The following LRRC4C variants were observed in gnomAD, a reference collection of about 807,000 sequenced individuals.
LRRC4C encodes the protein leucine-rich repeat-containing protein 4C.
A neutral mutation model predicts 33.6 loss-of-function variants in LRRC4C; 5 were observed. That is an observed-to-expected ratio of 0.15 (90% confidence interval 0.08 to 0.31). The LOEUF (loss-of-function observed/expected upper bound fraction) is 0.31. Among genes scored for constraint, LRRC4C ranks in the 10% least tolerant of loss-of-function variants. The pLI, the probability that LRRC4C is intolerant of heterozygous loss-of-function variation, is 1.00. For missense variants in LRRC4C, 560 were observed against 796.7 expected (o/e 0.70, Z 3.58); for synonymous variants, 329 against 302.0 (o/e 1.09, Z -0.93).
intron 1 of LRRC4C, among the ~76,000 whole-genome samples, chr11:40,987,644 T>C (rs933704317): frequency 1.1e-5 from 1 of 88,346 alleles, no homozygotes; most frequent in African/African-American, 4.5e-5. Flanking sequence ...TATATATATA[T>C]ATATATATCT....
chr11:40,585,473 TTTC>T (rs1591183902), intron 3 of LRRC4C, among the ~76,000 whole-genome samples: 2 of 133,384 alleles, frequency 1.5e-5, no homozygotes, highest in African/African-American at 6.0e-5. Context: ...GAATTTGTTA[TTTC>T]TTTTTTTTTT....
chr11:41,376,466 T>A (rs996414680), intron 1 of LRRC4C, among the ~76,000 whole-genome samples: 5 of 152,316 alleles, frequency 3.3e-5, no homozygotes, highest in African/African-American at 9.6e-5. Flanking sequence ...TAGCAACACC[T>A]GGCCCCAGGC....
chr11:40,731,575 A>G (rs1442638631), intron 2 of LRRC4C, among the ~76,000 whole-genome samples: 1 of 152,186 alleles, frequency 6.6e-6, no homozygotes, highest in East Asian at 1.9e-4. Flanking sequence ...AGAATGGCCT[A>G]GTACACTCCC....
intron 3 of LRRC4C, among the ~76,000 whole-genome samples, chr11:40,448,868 G>T (rs1951760486): frequency 6.6e-6 from 1 of 152,218 alleles, no homozygotes; most frequent in African/African-American, 2.4e-5. Context: ...CACATCAGCA[G>T]TGTAAAAGCA....
At chr11:40,260,104 C>T (rs535645579) in intron 4 of LRRC4C, among the ~76,000 whole-genome samples, 45 of 130,324 alleles carry the variant, frequency 3.5e-4, no homozygotes, top group African/African-American at 1.1e-3. Flanking sequence ...CACATGCACA[C>T]GTATGTTTAT....
intron 1 of LRRC4C, among the ~76,000 whole-genome samples, chr11:41,281,419 C>G (rs2136935746): frequency 6.6e-6 from 1 of 152,262 alleles, no homozygotes; most frequent in Non-Finnish European, 1.5e-5. Flanking sequence ...ACATAGCGCT[C>G]AGTCTTCCGT....
chr11:40,482,029 T>A (rs1169788186), intron 3 of LRRC4C, among the ~76,000 whole-genome samples: 5 of 152,306 alleles, frequency 3.3e-5, no homozygotes, highest in African/African-American at 1.2e-4. Context: ...CAATGATTAA[T>A]ACTCAGAATG....
intron 3 of LRRC4C, among the ~76,000 whole-genome samples, chr11:40,471,616 C>T (rs1424605152): frequency 2.7e-5 from 4 of 148,690 alleles, no homozygotes; most frequent in Admixed American, 6.8e-5. Flanking sequence ...ACCCATCTCA[C>T]ATGCAAAGAC....
intron 1 of LRRC4C, among the ~76,000 whole-genome samples, chr11:41,304,426 G>A (rs1471800938): frequency 1.2e-5 from 1 of 82,840 alleles, no homozygotes; most frequent in African/African-American, 4.7e-5. Context: ...CCGGCCAGCC[G>A]CCCCGTCTGG....
intron 1 of LRRC4C, among the ~76,000 whole-genome samples, chr11:41,205,594 T>C (rs986623117): frequency 1.6e-4 from 25 of 152,248 alleles, no homozygotes; most frequent in African/African-American, 5.8e-4. Context: ...AATTTGTTTG[T>C]TTGTTTTTCC....
At chr11:40,610,019 G>A (rs1405672534) in intron 3 of LRRC4C, among the ~76,000 whole-genome samples, 1 of 151,862 alleles carries the variant, frequency 6.6e-6, no homozygotes, top group Non-Finnish European at 1.5e-5. Flanking sequence ...CGAAAAAGAG[G>A]CAACAGTTCC....
chr11:40,860,996 C>G (rs1322649524), intron 2 of LRRC4C, among the ~76,000 whole-genome samples: 1 of 151,936 alleles, frequency 6.6e-6, no homozygotes, highest in Admixed American at 6.6e-5. Flanking sequence ...ATGTGTATTT[C>G]ACCTCAATTA....
chr11:40,261,617 G>A (rs541687236), intron 4 of LRRC4C, among the ~76,000 whole-genome samples: 84 of 152,112 alleles, frequency 5.5e-4, no homozygotes, highest in Non-Finnish European at 1.1e-3. Context: ...CAAGTGGCCA[G>A]GTTCAATTAT....
chr11:40,385,810 T>A (rs1295828738), intron 3 of LRRC4C, among the ~76,000 whole-genome samples: 10 of 151,426 alleles, frequency 6.6e-5, no homozygotes, highest in Admixed American at 4.6e-4. Flanking sequence ...GAGGTTTCAG[T>A]GAGCCGAGAT....
intron 2 of LRRC4C, among the ~76,000 whole-genome samples, chr11:40,787,928 A>G (rs1017114804): frequency 5.3e-5 from 8 of 152,170 alleles, no homozygotes; most frequent in Non-Finnish European, 1.2e-4. Flanking sequence ...CATGGAGAAA[A>G]AAGGTTGGTA....
intron 1 of LRRC4C, among the ~76,000 whole-genome samples, chr11:41,189,319 A>G (rs915228526): frequency 6.6e-6 from 1 of 152,168 alleles, no homozygotes; most frequent in African/African-American, 2.4e-5. Context: ...AAGTAAAAAA[A>G]GACAAGACGT....
chr11:40,517,715 A>T (rs1390742525), intron 3 of LRRC4C, among the ~76,000 whole-genome samples: 1 of 150,698 alleles, frequency 6.6e-6, no homozygotes, highest in East Asian at 2.0e-4. Context: ...CCATCAAGCT[A>T]CCATTGACTT....
At chr11:41,079,192 A>T (rs2135472210) in intron 1 of LRRC4C, among the ~76,000 whole-genome samples, 1 of 152,276 alleles carries the variant, frequency 6.6e-6, no homozygotes, top group East Asian at 1.9e-4. Flanking sequence ...CAGCCTTGTA[A>T]CTGAGGCTGA....
chr11:40,271,857 T>A (rs1333066280), intron 4 of LRRC4C, among the ~76,000 whole-genome samples: 1 of 152,200 alleles, frequency 6.6e-6, no homozygotes, highest in East Asian at 1.9e-4. Flanking sequence ...TATCATGTCC[T>A]ATGATTTTCA....
Sources: gnomAD v4.1 joint callset for allele counts (sites outside exome capture counted in the v4.1 genomes callset) on GRCh38, gnomAD v4.1.1 for gene constraint, MANE v1.5 for transcripts, NCBI Gene and HGNC (gene_info 2026-07-23, HGNC 2026-07-21) for gene names.